ARID4B: variants seen among roughly 807,000 people sequenced by gnomAD.
The protein encoded by ARID4B is AT-rich interaction domain 4B, also known as AT-rich interactive domain-containing protein 4B.
Under a neutral mutation model 147.5 loss-of-function variants are expected in ARID4B, and 26 were observed. The observed-to-expected ratio is 0.18, with a 90% CI of 0.13 to 0.24. The LOEUF (loss-of-function observed/expected upper bound fraction) is 0.24, where lower values mean the gene tolerates loss of function less well. ARID4B is among the 10% of genes least tolerant of loss of function. ARID4B has a pLI of 1.00. For synonymous variants in ARID4B, 512 were observed against 507.9 expected (o/e 1.01, Z -0.11); for missense variants, 1,179 against 1,511.5 (o/e 0.78, Z 3.65).
At chr1:235,233,418 G>A (rs1201187785) in intron 9 of ARID4B, among the ~76,000 whole-genome samples, 1 of 152,098 alleles carries the variant, frequency 6.6e-6, no homozygotes, top group African/African-American at 2.4e-5. Flanking sequence ...GGGTGAAAGA[G>A]TGAGACCCTC....
At chr1:235,303,976 T>C (rs1180978894) in intron 2 of ARID4B, among the ~76,000 whole-genome samples, 1 of 152,224 alleles carries the variant, frequency 6.6e-6, no homozygotes, top group African/African-American at 2.4e-5. Context: ...GTATTTTACA[T>C]GCATCATCAT....
chr1:235,181,498 A>C, intron 20 of ARID4B, 87 bp downstream of exon 20: 1 of 1,460,942 alleles, frequency 6.8e-7, no homozygotes, highest in Middle Eastern at 1.8e-4. Context: ...TAATCGCCTC[A>C]GGTTATAACA....
chr1:235,308,427 G>A (rs1347713618), intron 2 of ARID4B, among the ~76,000 whole-genome samples: 1 of 151,154 alleles, frequency 6.6e-6, no homozygotes, highest in African/African-American at 2.4e-5. Context: ...TAATTTTTAA[G>A]AAACAGGGGC....
chr1:235,197,060 T>C (rs535661401), intron 17 of ARID4B, among the ~76,000 whole-genome samples: 3 of 152,192 alleles, frequency 2.0e-5, no homozygotes, highest in East Asian at 3.9e-4. Context: ...TCAATGCTGA[T>C]GGTCTTCACA....
chr1:235,326,852 C>G (rs1675308675), intron 2 of ARID4B, 62 bp downstream of exon 2: 2 of 1,604,078 alleles, frequency 1.2e-6, no homozygotes, highest in Non-Finnish European at 1.7e-6. Flanking sequence ...ACGACCTCGT[C>G]GAAACCTCCT....
chr1:235,199,683 G>A (rs1455838801), intron 17 of ARID4B, among the ~76,000 whole-genome samples: 1 of 152,142 alleles, frequency 6.6e-6, no homozygotes, highest in Non-Finnish European at 1.5e-5. Flanking sequence ...TGAAGAGGAA[G>A]AAAAGGAGAA....
At chr1:235,185,265 T>G (rs571911416) in intron 19 of ARID4B, among the ~76,000 whole-genome samples, 1 of 152,368 alleles carries the variant, frequency 6.6e-6, no homozygotes, top group African/African-American at 2.4e-5. Flanking sequence ...TGTGGTTCCC[T>G]GCAGAAATAA....
intron 2 of ARID4B, among the ~76,000 whole-genome samples, chr1:235,315,735 T>C (rs1276161615): frequency 1.3e-5 from 2 of 152,238 alleles, no homozygotes; most frequent in Non-Finnish European, 2.9e-5. Flanking sequence ...TTGAATTCTA[T>C]ACTTACGTCT....
At chr1:235,294,256 A>G (rs1221024583) in intron 2 of ARID4B, among the ~76,000 whole-genome samples, 1 of 150,288 alleles carries the variant, frequency 6.7e-6, no homozygotes, top group East Asian at 2.0e-4. Flanking sequence ...GTAAAATAAT[A>G]CCTCTTTCGT....
intron 5 of ARID4B, among the ~76,000 whole-genome samples, chr1:235,255,232 T>C (rs1335452307): frequency 1.0e-5 from 1 of 98,236 alleles, no homozygotes; most frequent in African/African-American, 3.6e-5. Flanking sequence ...GATAGATAGA[T>C]AGATAGATAG....
chr1:235,175,851 G>A (rs1461951442), intron 21 of ARID4B, among the ~76,000 whole-genome samples: 3 of 151,996 alleles, frequency 2.0e-5, no homozygotes, highest in East Asian at 1.9e-4. Flanking sequence ...AGAACTCCTC[G>A]GGAATAAACT....
intron 2 of ARID4B, among the ~76,000 whole-genome samples, chr1:235,317,474 TTTCA>T (rs1490092598): frequency 6.6e-6 from 1 of 152,240 alleles, no homozygotes; most frequent in African/African-American, 2.4e-5. Flanking sequence ...TTTTTGACTC[TTTCA>T]TTATGTCCCT....
At chr1:235,251,932 A>G (rs1325397404) in intron 6 of ARID4B, among the ~76,000 whole-genome samples, 1 of 152,208 alleles carries the variant, frequency 6.6e-6, no homozygotes, top group Admixed American at 6.5e-5. Context: ...CTTTGGTGCT[A>G]GAAAGTGCTG....
chr1:235,213,525 T>C (rs1044246048), intron 17 of ARID4B, among the ~76,000 whole-genome samples: 4 of 152,194 alleles, frequency 2.6e-5, no homozygotes, highest in African/African-American at 4.8e-5. Context: ...GATCTACATG[T>C]AGTACATAAA....
chr1:235,309,283 C>T (rs1399650172), intron 2 of ARID4B, among the ~76,000 whole-genome samples: 2 of 146,636 alleles, frequency 1.4e-5, no homozygotes, highest in Non-Finnish European at 1.5e-5. Flanking sequence ...GCCCGGCAGC[C>T]GCCCCATCTG....
At chr1:235,294,063 T>C (rs969900401) in intron 2 of ARID4B, among the ~76,000 whole-genome samples, 3 of 152,112 alleles carry the variant, frequency 2.0e-5, no homozygotes, top group Admixed American at 6.6e-5. Context: ...TTGCCTTCTA[T>C]TGACATACAA....
intron 19 of ARID4B, among the ~76,000 whole-genome samples, chr1:235,191,254 TTTA>T (rs1423031604): frequency 0.038 from 5,739 of 151,440 alleles, 403 homozygotes; most frequent in African/African-American, 0.13. Context: ...TTCTTTTTAT[TTTA>T]TTTTTTTTAA....
chr1:235,262,484 A>G (rs549107965), intron 2 of ARID4B, among the ~76,000 whole-genome samples: 1 of 152,326 alleles, frequency 6.6e-6, no homozygotes, highest in Admixed American at 6.5e-5. Flanking sequence ...ATTTTTTTAT[A>G]TTATTAACTA....
intron 2 of ARID4B, among the ~76,000 whole-genome samples, chr1:235,310,428 T>C (rs1209965025): frequency 6.6e-6 from 1 of 152,202 alleles, no homozygotes; most frequent in East Asian, 1.9e-4. Flanking sequence ...ATCAGTTTAA[T>C]GTGTGCCTGT....
Sources: allele counts gnomAD v4.1 joint callset (sites outside exome capture counted in the v4.1 genomes callset), GRCh38; gene constraint gnomAD v4.1.1; transcripts MANE v1.5; gene names NCBI Gene and HGNC (gene_info 2026-07-23, HGNC 2026-07-21).